Variants in BCORL1 observed in about 807,000 individuals in gnomAD.
BCORL1 encodes BCL-6 corepressor-like protein 1.
BCORL1 carries 7 observed loss-of-function variants against 87.6 expected under a neutral mutation model. The ratio of observed to expected loss-of-function variants is 0.08; its 90% CI spans 0.05 to 0.15. The LOEUF (loss-of-function observed/expected upper bound fraction) is 0.15, where lower values mean the gene tolerates loss of function less well. BCORL1 is among the 10% of genes least tolerant of loss of function. BCORL1 has a pLI of 1.00. For synonymous variants in BCORL1, 591 were observed against 634.4 expected (o/e 0.93, Z 1.03); for missense variants, 1,215 against 1,499.7 (o/e 0.81, Z 3.13).
chrX:130,029,880 C>G (rs919033167), intron 8 of BCORL1, among the ~76,000 whole-genome samples: 6 of 110,872 alleles, frequency 5.4e-5, no homozygotes, highest in African/African-American at 1.6e-4. Flanking sequence ...ATCTCGAACT[C>G]CTGAGCTCAA....
chrX:129,991,327 C>T (rs781195630), intron 1 of BCORL1, among the ~76,000 whole-genome samples: 43 of 110,609 alleles, frequency 3.9e-4, no homozygotes, highest in Non-Finnish European at 7.0e-4. Context: ...GCCATGTTGG[C>T]CTGGCTGGTC....
At chrX:129,998,616 T>A (rs144445639) in intron 1 of BCORL1, among the ~76,000 whole-genome samples, 324 of 112,095 alleles carry the variant, frequency 2.9e-3, no homozygotes, top group Middle Eastern at 0.028. Context: ...CCTCGGTGAT[T>A]CTGGCTGGGG....
Position 130,057,297 on chromosome X carries a change from A to T in BCORL1, c.*1161A>T, listed in dbSNP as rs1274955188. ...CAGCTGTTTCCTAGGCAAGGGCAGG[A>T]AAGTGGTCTCCAGCCCTTGCTCCAC... On this transcript the variant is annotated 3_prime_UTR_variant, in exon 14 of 14. Transcript: ENST00000540052. 9.0e-6 allele frequency: 1 copy of T among 111,258 alleles called. No individual in the cohort carries two copies. The highest frequency in any genetic ancestry group is 1.9e-5 in the Non-Finnish European group (1 of 52,990). 9.2% of individuals were successfully genotyped at this position (111,258 alleles called of 1,213,427 possible). A position where few individuals can be genotyped will look rare whatever the true frequency, so the allele number is the denominator to read the frequency against.
In BCORL1 at chrX:130,056,420, G is replaced by C. The variant is rs889233837; in HGVS notation, c.*284G>C. 2.6e-4 allele frequency: 68 copies of C among 261,643 alleles called. No homozygotes were observed. In the Middle Eastern group the frequency reaches 3.3e-3, roughly 13 times the overall value. 21.6% of individuals were successfully genotyped at this position (261,643 alleles called of 1,213,427 possible). A position where few individuals can be genotyped will look rare whatever the true frequency, so the allele number is the denominator to read the frequency against. ...GAGGTCCCGGGGGTGGTGGGAGGTG[G>C]CGCCGGGGTCCCTTGGACTGGCCTC... On this transcript the variant is annotated 3_prime_UTR_variant, in exon 14 of 14. Transcript: ENST00000540052.
At chrX:130,043,794 T>A (rs1309822526) in intron 11 of BCORL1, among the ~76,000 whole-genome samples, 9 of 53,915 alleles carry the variant, frequency 1.7e-4, no homozygotes, top group Middle Eastern at 9.8e-3. Context: ...ATTTTTTTTT[T>A]TTTTTTTTTT....
In BCORL1 at chrX:130,015,308, A is replaced by G. The variant is rs1279008721; in HGVS notation, c.2536A>G (p.Ile846Val). 6.6e-6 allele frequency: 8 copies of G among 1,211,347 alleles called. No homozygotes were observed. Among genetic ancestry groups the G allele is most frequent in the Non-Finnish European group, 8.9e-6 (8 of 895,432 alleles). ...YHQASLLSIG[I>V]SSAGQLTPSQ... Reference sequence around the variant, plus strand: ...CCAGGCGTCTCTGCTTTCCATTGGCATTTCCAGTGCCGGGCAGCTGACCCC... The same window carrying G: ...CCAGGCGTCTCTGCTTTCCATTGGCGTTTCCAGTGCCGGGCAGCTGACCCC... The change falls in exon 4 of 14, where the codon ATT (isoleucine) becomes GTT (valine). Residue 846 changes from isoleucine to valine, a missense_variant. By Grantham distance (29) the Ile-to-Val change is conservative (BLOSUM62 3). This residue lies in a region of BCORL1 where 861 missense variants were observed against 1,010.0 expected (regional missense o/e 0.85). Coordinates refer to ENST00000540052, the MANE Select transcript of BCORL1 (RefSeq NM_001379451.1).
At chrX:129,980,561 G>A (rs1167557090), upstream of BCORL1, among the ~76,000 whole-genome samples, 1 of 112,280 alleles carries the variant, frequency 8.9e-6, no homozygotes, top group Non-Finnish European at 1.9e-5. Flanking sequence ...GACCGAGGCC[G>A]GCACCTGGAC....
At chrX:129,980,613 G>A (rs755082920), upstream of BCORL1, among the ~76,000 whole-genome samples, 2 of 112,192 alleles carry the variant, frequency 1.8e-5, no homozygotes, top group South Asian at 7.3e-4. Context: ...GGCGGGCGCA[G>A]GCAGCGGGCC....
chrX:129,996,047 C>A (rs1927541051), intron 1 of BCORL1, among the ~76,000 whole-genome samples: 1 of 111,086 alleles, frequency 9.0e-6, no homozygotes, highest in African/African-American at 3.3e-5. Context: ...TGTCAGTGGT[C>A]TCTTAGATCT....
chrX:130,043,034 T>C (rs192650439), intron 11 of BCORL1, among the ~76,000 whole-genome samples: 1,755 of 103,394 alleles, frequency 0.017, 17 homozygotes, highest in African/African-American at 0.031. Flanking sequence ...TACATTCTCT[T>C]TTTTTTTTTT....
At chrX:129,992,583 G>A (rs2038501810) in intron 1 of BCORL1, among the ~76,000 whole-genome samples, 1 of 112,361 alleles carries the variant, frequency 8.9e-6, no homozygotes, top group African/African-American at 3.2e-5. Flanking sequence ...AAAATAGAAA[G>A]AATAACCTGA....
At chrX:130,006,988 A>G (rs1487462925) in intron 2 of BCORL1, among the ~76,000 whole-genome samples, 2 of 112,275 alleles carry the variant, frequency 1.8e-5, no homozygotes, top group Non-Finnish European at 1.9e-5. Context: ...AAGACACAGA[A>G]CAATATGGCT....
rs1319735590 is a variant in BCORL1 at position 130,022,987 on chromosome X, A to T, written c.3688+10A>T. ...ACGCGCAGTCAGTCTGGTGAGTGAG[A>T]CTAAGGTGATGGCCCCTCTCAGCAT... On this transcript the variant is annotated intron_variant, in intron 6 of 13. Coordinates refer to ENST00000540052, the MANE Select transcript of BCORL1 (RefSeq NM_001379451.1). 3.4e-6 allele frequency: 4 copies of T among 1,188,539 alleles called. No individual in the cohort carries two copies. The East Asian group carries it at 8.9e-5, about 26-fold the overall frequency.
At chrX:130,035,275 T>G (rs1312019532) in intron 9 of BCORL1, among the ~76,000 whole-genome samples, 1 of 112,194 alleles carries the variant, frequency 8.9e-6, no homozygotes, top group Non-Finnish European at 1.9e-5. Flanking sequence ...GGCTTTGCAG[T>G]GTTACTGATA....
chrX:130,013,033 G>T lies in BCORL1; in HGVS notation c.261G>T (p.Lys87Asn). 3 of 1,210,858 alleles carry T rather than the reference G, an allele frequency of 2.5e-6. No homozygotes were observed. The highest frequency in any genetic ancestry group is 3.4e-6 in the Non-Finnish European group (3 of 894,442). Reference protein sequence around the residue: ...DGSATEKLGHKSEDKPDDPQP... With the variant: ...DGSATEKLGHNSEDKPDDPQP... Reference sequence around the variant, plus strand: ...GTGCTACAGAAAAACTTGGGCACAAGTCAGAAGACAAGCCTGACGATCCCC... The same window carrying T: ...GTGCTACAGAAAAACTTGGGCACAATTCAGAAGACAAGCCTGACGATCCCC... Residue 87 changes from lysine to asparagine, a missense_variant, in exon 4 of 14, where the codon AAG becomes AAT. By Grantham distance (94) the Lys-to-Asn change is moderately conservative. This residue lies in a region of BCORL1 where 861 missense variants were observed against 1,010.0 expected (regional missense o/e 0.85). Coordinates refer to ENST00000540052, the MANE Select transcript of BCORL1 (RefSeq NM_001379451.1).
chrX:129,980,435 C>T (rs1023069769), upstream of BCORL1, among the ~76,000 whole-genome samples: 16 of 112,491 alleles, frequency 1.4e-4, no homozygotes, highest in African/African-American at 4.8e-4. Flanking sequence ...ACGGTGCGGC[C>T]CTGCGGCGGG....
intron 1 of BCORL1, among the ~76,000 whole-genome samples, chrX:129,991,448 G>A (rs1248542846): frequency 9.3e-6 from 1 of 107,515 alleles, no homozygotes; most frequent in Non-Finnish European, 1.9e-5. Flanking sequence ...ACAGGGTCTG[G>A]CTCTGTTGCC....
intron 11 of BCORL1, among the ~76,000 whole-genome samples, chrX:130,041,921 C>T (rs1931356659): frequency 8.9e-6 from 1 of 111,908 alleles, no homozygotes; most frequent in Non-Finnish European, 1.9e-5. Context: ...GCCACCGCGC[C>T]CGGCCCCAGA....
chrX:129,989,788 CT>C (rs367764961), intron 1 of BCORL1, among the ~76,000 whole-genome samples: 9 of 98,685 alleles, frequency 9.1e-5, no homozygotes, highest in South Asian at 9.2e-4. Context: ...CTCTTTGTTT[CT>C]TTTTTTTTTG....
Sources: gnomAD v4.1 joint callset for allele counts (sites outside exome capture counted in the v4.1 genomes callset) on GRCh38, gnomAD v4.1.1 for gene constraint, gnomAD v4.1.1 regional missense constraint, MANE v1.5 for transcripts, NCBI Gene and HGNC (gene_info 2026-07-23, HGNC 2026-07-21) for gene names.